The following NFIA variants were observed in gnomAD, a reference collection of about 807,000 sequenced individuals.
NFIA encodes the protein nuclear factor I A, also known as nuclear factor 1 A-type.
Under a neutral mutation model 62.8 loss-of-function variants are expected in NFIA, and 8 were observed. The ratio of observed to expected loss-of-function variants is 0.13; its 90% CI spans 0.07 to 0.23. The LOEUF is 0.23. Among genes scored for constraint, NFIA ranks in the 10% least tolerant of loss-of-function variants. The pLI is 1.00. For missense variants in NFIA, 410 were observed against 642.1 expected (o/e 0.64, Z 3.91); for synonymous variants, 235 against 238.1 (o/e 0.99, Z 0.12).
intron 3 of NFIA, among the ~76,000 whole-genome samples, chr1:61,283,271 C>T (rs1448178700): frequency 6.6e-6 from 1 of 151,912 alleles, no homozygotes; most frequent in Non-Finnish European, 1.5e-5. Flanking sequence ...GACTTCCTGA[C>T]TTAAGATTTA....
At chr1:61,450,726 C>G (rs1668019307) in intron 10 of NFIA, among the ~76,000 whole-genome samples, 1 of 152,064 alleles carries the variant, frequency 6.6e-6, no homozygotes, top group Non-Finnish European at 1.5e-5. Flanking sequence ...AAACTTTGCC[C>G]TTGTTGAGGC....
At chr1:61,160,809 T>C (rs1324033698) in intron 2 of NFIA, among the ~76,000 whole-genome samples, 3 of 152,238 alleles carry the variant, frequency 2.0e-5, no homozygotes, top group South Asian at 2.1e-4. Context: ...CATCATGATA[T>C]AGCACCAAGT....
At chr1:61,077,550 C>CAA, upstream of NFIA, 1 of 1,203,036 alleles carries the variant, frequency 8.3e-7, no homozygotes. Flanking sequence ...TTTTTAAATG[C>CAA]AAAAAAAAGG....
intron 3 of NFIA, among the ~76,000 whole-genome samples, chr1:61,300,486 A>G (rs1424567229): frequency 1.3e-5 from 2 of 152,136 alleles, no homozygotes; most frequent in Non-Finnish European, 2.9e-5. Context: ...ACCATTAAGC[A>G]TGGCTATTTC....
chr1:61,417,066 A>C lies in NFIA; in HGVS notation c.1421-9399A>C, dbSNP rs1569824398. Among the ~76,000 whole-genome samples the C allele has an allele frequency of 3.3e-5, 5 of 152,218 alleles. 1 individual carries two copies. In the South Asian group the frequency reaches 1.0e-3, roughly 32 times the overall value. ...AACAGAACATTGGATGATTCCATTC[A>C]TTTGGGTCGTCATAACCCAGTCAAC... On this transcript the variant is annotated intron_variant, in intron 9 of 10. Transcript: ENST00000403491.
intron 2 of NFIA, among the ~76,000 whole-genome samples, chr1:61,147,411 G>T (rs1324282590): frequency 6.6e-6 from 1 of 152,110 alleles, no homozygotes; most frequent in African/African-American, 2.4e-5. Context: ...TCGGCCTCCC[G>T]AAGTGCTAGG....
rs972219030 is a variant in NFIA at position 61,312,231 on chromosome 1, T to A, written c.626-20281T>A. Among the ~76,000 whole-genome samples, 103 of 152,156 alleles carry A rather than the reference T, an allele frequency of 6.8e-4. 1 individual carries two copies. The highest frequency in any genetic ancestry group is 6.7e-3 in the Admixed American group (103 of 15,274). ...TGCTCTTTGGGTGTGGGAAGTAGAG[T>A]TCATGGAGGTAAACCATTGCCAAGC... On this transcript the variant is annotated intron_variant, in intron 3 of 10. Coordinates refer to ENST00000403491, the MANE Select transcript of NFIA (RefSeq NM_001134673.4).
chr1:61,397,006 A>AG (rs1569757193), intron 7 of NFIA, among the ~76,000 whole-genome samples: 1 of 151,556 alleles, frequency 6.6e-6, no homozygotes. Context: ...TGTCTCCAAA[A>AG]AAAAAAATAA....
intron 2 of NFIA, among the ~76,000 whole-genome samples, chr1:61,268,896 A>G: frequency 6.6e-6 from 1 of 152,040 alleles, no homozygotes; most frequent in East Asian, 1.9e-4. Flanking sequence ...CATCATCCCT[A>G]TATTGAATGG....
rs200687380 is a variant in NFIA, at chr1:61,184,871, CAG to C, written c.560-92646_560-92645del. ...CACGAAGGAAGGAACTGAAAGAAAA[CAG>C]AGGAGTTTAAAGTTACTTCTATGAA... On this transcript the variant is annotated intron_variant, in intron 2 of 10. Coordinates refer to ENST00000403491, the MANE Select transcript of NFIA (RefSeq NM_001134673.4). Among the ~76,000 whole-genome samples, 1,514 of 152,286 alleles carry C rather than the reference CAG, an allele frequency of 9.9e-3. 17 individuals are homozygous for C. Among genetic ancestry groups the C allele is most frequent in the Middle Eastern group, 0.061 (18 of 294 alleles).
chr1:61,250,848 CTT>C (rs1218506149), intron 2 of NFIA, among the ~76,000 whole-genome samples: 1 of 152,048 alleles, frequency 6.6e-6, no homozygotes. Flanking sequence ...CATAGAAAAA[CTT>C]TGTTGAAAAA....
chr1:61,155,539 G>C (rs576848709), intron 2 of NFIA, among the ~76,000 whole-genome samples: 3 of 151,878 alleles, frequency 2.0e-5, no homozygotes, highest in Non-Finnish European at 4.4e-5. Context: ...CGGGCGCGGT[G>C]GTGGGTGCCT....
Position 61,455,351 on chromosome 1 carries a change from G to A in NFIA, c.*31G>A, listed in dbSNP as rs757817178. On this transcript the variant is annotated 3_prime_UTR_variant, in exon 11 of 11. Coordinates refer to ENST00000403491, the MANE Select transcript of NFIA (RefSeq NM_001134673.4). The stretch of plus-strand genomic sequence containing the variant: ...GCAGCGTCCCACCATCCACCAGACA[G>A]ACCACCTGACCCCTTCTCAACTCTG... The A allele has an allele frequency of 6.2e-7, 1 of 1,614,084 alleles. No homozygotes were observed. Among genetic ancestry groups the A allele is most frequent in the Non-Finnish European group, 8.5e-7 (1 of 1,179,994 alleles).
chr1:61,097,173 C>A (rs1319719437), intron 2 of NFIA, among the ~76,000 whole-genome samples: 1 of 152,062 alleles, frequency 6.6e-6, no homozygotes, highest in Admixed American at 6.5e-5. Context: ...AAATAGTACT[C>A]ATATCCTATT....
At chr1:61,364,933 T>C (rs1021438733) in intron 6 of NFIA, among the ~76,000 whole-genome samples, 7 of 152,140 alleles carry the variant, frequency 4.6e-5, no homozygotes, top group African/African-American at 1.7e-4. Flanking sequence ...TAGAGAACCC[T>C]GGCCGGGCAT....
chr1:61,171,227 G>C (rs1649945982), intron 2 of NFIA, among the ~76,000 whole-genome samples: 1 of 152,076 alleles, frequency 6.6e-6, no homozygotes, highest in Non-Finnish European at 1.5e-5. Context: ...ATTCTAAAAT[G>C]CTAAAATTAT....
At chr1:61,208,943 T>C (rs1653065466) in intron 2 of NFIA, among the ~76,000 whole-genome samples, 1 of 152,190 alleles carries the variant, frequency 6.6e-6, no homozygotes, top group East Asian at 1.9e-4. Flanking sequence ...GAGAAAGTAC[T>C]GAATGAAGCT....
intron 10 of NFIA, among the ~76,000 whole-genome samples, chr1:61,441,414 C>T (rs1667577668): frequency 6.6e-6 from 1 of 151,372 alleles, no homozygotes; most frequent in Admixed American, 6.6e-5. Flanking sequence ...TTCCTATCTT[C>T]TGATCTTCAC....
At chr1:61,077,767 T>C, upstream of NFIA, 1 of 519,578 alleles carries the variant, frequency 1.9e-6, no homozygotes, top group Non-Finnish European at 3.1e-6. Context: ...GCTGGGTAAA[T>C]GTCTATTGTG....
Sources: gnomAD v4.1 joint callset for allele counts (sites outside exome capture counted in the v4.1 genomes callset) on GRCh38, gnomAD v4.1.1 for gene constraint, MANE v1.5 for transcripts, NCBI Gene and HGNC (gene_info 2026-07-23, HGNC 2026-07-21) for gene names.